MDGA2: variants seen among roughly 807,000 people sequenced by gnomAD.
The protein encoded by MDGA2 is MAM domain-containing glycosylphosphatidylinositol anchor protein 2.
In MDGA2, 40 loss-of-function variants were observed where a neutral mutation model predicts 117.8. The ratio of observed to expected loss-of-function variants is 0.34; its 90% CI spans 0.26 to 0.44. MDGA2 has a LOEUF of 0.44. Among genes scored for constraint, MDGA2 ranks in the 20% least tolerant of loss-of-function variants. MDGA2 has a pLI of 1.00. For missense variants in MDGA2, 1,123 were observed against 1,250.6 expected (o/e 0.90, Z 1.54); for synonymous variants, 452 against 439.0 (o/e 1.03, Z -0.37).
intron 11 of MDGA2, among the ~76,000 whole-genome samples, chr14:46,881,836 T>C (rs1882472048): frequency 6.6e-6 from 1 of 152,092 alleles, no homozygotes; most frequent in African/African-American, 2.4e-5. Context: ...AACTAAATTA[T>C]TCTATATCTC....
intron 8 of MDGA2, among the ~76,000 whole-genome samples, chr14:46,958,714 T>A (rs1332328372): frequency 6.6e-6 from 1 of 152,246 alleles, no homozygotes; most frequent in Non-Finnish European, 1.5e-5. Context: ...GTCAATTACA[T>A]CCAGAAGCAG....
At chr14:47,124,859 C>T (rs912497115) in intron 5 of MDGA2, among the ~76,000 whole-genome samples, 3 of 152,070 alleles carry the variant, frequency 2.0e-5, no homozygotes, top group African/African-American at 7.2e-5. Context: ...ATAGCCTTCA[C>T]CAGAAACCAA....
At chr14:46,944,977 T>C (rs1480601278) in intron 9 of MDGA2, among the ~76,000 whole-genome samples, 2 of 152,114 alleles carry the variant, frequency 1.3e-5, no homozygotes, top group African/African-American at 2.4e-5. Context: ...ACTATTATTC[T>C]GGACCAAAAG....
rs901752438 is a variant in MDGA2, at chr14:46,855,966, T to C, written c.2753-812A>G. ...TCATTATTTGATATCTCTCTTTCAA[T>C]AGTTTAATGTGCTGTACACAGTAAT... On this transcript the variant is annotated intron_variant, in intron 14 of 16. Coordinates refer to ENST00000399232, the MANE Select transcript of MDGA2 (RefSeq NM_001113498.3). This position sits in a 1 kb window ranked among gnomAD's most constrained non-coding sequence, Gnocchi z 4.1. Among the ~76,000 whole-genome samples the C allele has an allele frequency of 8.5e-5, 13 of 152,132 alleles. No individual in the cohort carries two copies. Among genetic ancestry groups the C allele is most frequent in the Non-Finnish European group, 1.5e-4 (10 of 67,998 alleles).
At chr14:47,530,741 C>A (rs1262983672) in intron 1 of MDGA2, among the ~76,000 whole-genome samples, 1 of 152,116 alleles carries the variant, frequency 6.6e-6, no homozygotes, top group African/African-American at 2.4e-5. Flanking sequence ...AGTCATGTTG[C>A]ATTGCAGGCT....
rs1027049876 is a variant in MDGA2, at chr14:47,374,236, A to T, written c.281-72686T>A. On this transcript the variant is annotated intron_variant, in intron 1 of 16. Coordinates refer to ENST00000399232, the MANE Select transcript of MDGA2 (RefSeq NM_001113498.3). ...CTAATTACCTTTGATGGTAAAGATCATTAAATATACATCTAAATAAGAGTG... is the reference window on the plus strand; with the variant it reads ...CTAATTACCTTTGATGGTAAAGATCTTTAAATATACATCTAAATAAGAGTG... Among the ~76,000 whole-genome samples, 8 of 152,266 alleles carry T rather than the reference A, an allele frequency of 5.3e-5. No homozygotes were observed. The South Asian group carries it at 1.4e-3, about 28-fold the overall frequency.
At chr14:47,499,114 G>A (rs1894344847) in intron 1 of MDGA2, among the ~76,000 whole-genome samples, 1 of 152,024 alleles carries the variant, frequency 6.6e-6, no homozygotes, top group African/African-American at 2.4e-5. Context: ...AACCAAAGGT[G>A]TGTGTTCATT....
intron 1 of MDGA2, among the ~76,000 whole-genome samples, chr14:47,487,591 T>C (rs1894086728): frequency 6.6e-6 from 1 of 152,204 alleles, no homozygotes; most frequent in Non-Finnish European, 1.5e-5. Context: ...GCTTTATTAT[T>C]ATGTCATCTA....
intron 1 of MDGA2, among the ~76,000 whole-genome samples, chr14:47,366,871 TA>T (rs1891241750): frequency 1.0e-5 from 1 of 100,152 alleles, no homozygotes; most frequent in Admixed American, 9.4e-5. Context: ...TATGTTTTAC[TA>T]AAAGTTAGAT....
chr14:47,390,839 G>C (rs1358806368), intron 1 of MDGA2, among the ~76,000 whole-genome samples: 1 of 152,012 alleles, frequency 6.6e-6, no homozygotes, highest in Non-Finnish European at 1.5e-5. Context: ...GTTTCTCCTG[G>C]AATTTTTCCT....
At chr14:46,931,973 ATAAG>A (rs765976841) in intron 9 of MDGA2, among the ~76,000 whole-genome samples, 1 of 152,164 alleles carries the variant, frequency 6.6e-6, no homozygotes, top group African/African-American at 2.4e-5. Flanking sequence ...TGGAATAACA[ATAAG>A]TAATATAGAG....
chr14:46,903,053 C>A (rs2138453094), intron 10 of MDGA2, among the ~76,000 whole-genome samples: 1 of 152,312 alleles, frequency 6.6e-6, no homozygotes, highest in African/African-American at 2.4e-5. Flanking sequence ...TGCGCCTCTT[C>A]AGTTCCTGTG....
chr14:46,864,707 G>A lies in MDGA2; in HGVS notation c.2752+8726C>T, dbSNP rs149970678. On this transcript the variant is annotated intron_variant, in intron 14 of 16. Coordinates refer to ENST00000399232, the MANE Select transcript of MDGA2 (RefSeq NM_001113498.3). The stretch of plus-strand genomic sequence containing the variant: ...CATTATCAGCATTAAATACCAACAG[G>A]ACTTCACTGAGAGCATAGACTAATT... 2.2e-3 allele frequency among the ~76,000 whole-genome samples: 339 copies of A among 150,954 alleles called. 1 individual carries two copies. The highest frequency in any genetic ancestry group is 7.8e-3 in the African/African-American group (323 of 41,184).
chr14:47,613,247 A>G (rs1896884895), intron 1 of MDGA2, among the ~76,000 whole-genome samples: 1 of 152,056 alleles, frequency 6.6e-6, no homozygotes, highest in Admixed American at 6.6e-5. Context: ...GCTCTGTGTG[A>G]CCCCAAAAGC....
chr14:47,271,696 C>T (rs1166904386), intron 2 of MDGA2, among the ~76,000 whole-genome samples: 2 of 152,050 alleles, frequency 1.3e-5, no homozygotes, highest in Non-Finnish European at 2.9e-5. Flanking sequence ...AGACATAAAA[C>T]ATCAATAATG....
intron 1 of MDGA2, among the ~76,000 whole-genome samples, chr14:47,653,631 G>A (rs911463488): frequency 6.6e-6 from 1 of 152,110 alleles, no homozygotes; most frequent in Non-Finnish European, 1.5e-5. Flanking sequence ...GCATGACAAC[G>A]TGGAATTAAG....
chr14:46,990,618 A>G (rs1020152760), intron 8 of MDGA2, among the ~76,000 whole-genome samples: 1 of 152,078 alleles, frequency 6.6e-6, no homozygotes, highest in African/African-American at 2.4e-5. Context: ...CTAGTTACAC[A>G]TTAGAAAATA....
At chr14:47,405,695 C>T (rs1286578091) in intron 1 of MDGA2, among the ~76,000 whole-genome samples, 2 of 152,076 alleles carry the variant, frequency 1.3e-5, no homozygotes, top group South Asian at 2.1e-4. Flanking sequence ...AGAATCTGTG[C>T]CTTTGTCACA....
chr14:46,866,680 CA>C (rs1169747964), intron 14 of MDGA2, among the ~76,000 whole-genome samples: 1 of 148,978 alleles, frequency 6.7e-6, no homozygotes, highest in African/African-American at 2.5e-5. Context: ...ACAATGAACT[CA>C]AACAAATTTA....
Sources: allele counts gnomAD v4.1 joint callset (sites outside exome capture counted in the v4.1 genomes callset), GRCh38; gene constraint gnomAD v4.1.1; non-coding constraint Gnocchi (gnomAD v3.1); transcripts MANE v1.5; gene names NCBI Gene and HGNC (gene_info 2026-07-23, HGNC 2026-07-21).